RNF180: variants seen among roughly 807,000 people sequenced by gnomAD.
RNF180 encodes E3 ubiquitin-protein ligase RNF180.
Under a neutral mutation model 59.2 loss-of-function variants are expected in RNF180, and 38 were observed. The observed-to-expected ratio is 0.64, with a 90% CI of 0.50 to 0.84. The LOEUF is 0.84. Ranked by LOEUF, RNF180 falls within the 40% of genes least tolerant of loss-of-function variation. RNF180 has a pLI of 0.00. For synonymous variants in RNF180, 262 were observed against 240.3 expected, an observed-to-expected ratio of 1.09 and a Z score of -0.84; for missense variants, 705 against 700.9, an observed-to-expected ratio of 1.01 and a Z score of -0.07.
chr5:64,206,067 A>C (rs556763347), intron 2 of RNF180, among the ~76,000 whole-genome samples: 1 of 152,212 alleles, frequency 6.6e-6, no homozygotes. Context: ...ATACTGCACA[A>C]TTCTAGAGGG....
intron 1 of RNF180, among the ~76,000 whole-genome samples, chr5:64,181,986 C>CTTTTTT (rs1190089130): frequency 4.2e-5 from 4 of 94,622 alleles, no homozygotes; most frequent in Non-Finnish European, 7.9e-5. Context: ...CTGCTACTGT[C>CTTTTTT]TTTTTTTTTT....
intron 7 of RNF180, among the ~76,000 whole-genome samples, chr5:64,369,153 C>G (rs981832284): frequency 3.3e-5 from 5 of 151,990 alleles, no homozygotes; most frequent in African/African-American, 1.2e-4. Context: ...AGTTCATGTC[C>G]TTTGTGGGGA....
intron 1 of RNF180, among the ~76,000 whole-genome samples, chr5:64,177,515 A>G (rs1292820889): frequency 7.5e-6 from 1 of 133,864 alleles, no homozygotes; most frequent in Admixed American, 7.9e-5. Context: ...TTTCAAAGGC[A>G]TAAATTATGC....
At chr5:64,315,063 C>T (rs1486264001) in intron 5 of RNF180, among the ~76,000 whole-genome samples, 1 of 152,152 alleles carries the variant, frequency 6.6e-6, no homozygotes, top group Non-Finnish European at 1.5e-5. Context: ...ATTTTTGTAA[C>T]ATCATGCATT....
At chr5:64,362,333 G>T (rs1199981996) in intron 7 of RNF180, among the ~76,000 whole-genome samples, 4 of 151,768 alleles carry the variant, frequency 2.6e-5, no homozygotes, top group African/African-American at 9.7e-5. Context: ...GTGAGAACAT[G>T]TGGTATTTGG....
chr5:64,357,982 C>G (rs2112597836), intron 7 of RNF180, among the ~76,000 whole-genome samples: 1 of 151,906 alleles, frequency 6.6e-6, no homozygotes, highest in East Asian at 1.9e-4. Context: ...TTGATTTCAC[C>G]ACAGTGAATT....
chr5:64,349,443 T>A (rs1423877475), intron 7 of RNF180, among the ~76,000 whole-genome samples: 3 of 152,012 alleles, frequency 2.0e-5, no homozygotes, highest in Admixed American at 1.3e-4. Context: ...TACTTTTTTT[T>A]ATTATACTTT....
rs2112288453 is a variant in RNF180 at position 64,254,258 on chromosome 5, T to C, written c.1227+36862T>C. ...TTAAGATGCTAGTTAAGAAGCAATGTTGGAATGCTGACAAATGGAGCCTGA... is the reference window on the plus strand; with the variant it reads ...TTAAGATGCTAGTTAAGAAGCAATGCTGGAATGCTGACAAATGGAGCCTGA... On this transcript the variant is annotated intron_variant, in intron 5 of 7. Coordinates refer to ENST00000389100, the MANE Select transcript of RNF180 (RefSeq NM_001113561.2). Among the ~76,000 whole-genome samples the C allele has an allele frequency of 2.0e-5, 3 of 152,276 alleles. 1 individual carries two copies. The South Asian group carries it at 6.2e-4, about 32-fold the overall frequency.
At position 64,323,134 on chromosome 5, in the gene RNF180, A is replaced by C. The variant is rs1744456734; in HGVS notation, c.1228-2052A>C. Among the ~76,000 whole-genome samples, 3 of 152,222 alleles carry C rather than the reference A, an allele frequency of 2.0e-5. No homozygotes were observed. The South Asian group carries it at 6.2e-4, about 32-fold the overall frequency. ...CATGCTCCTGACAAGTAGGGGCAGA[A>C]GGCAGTCTTTGTGTTTGGAGTTGAG... On this transcript the variant is annotated intron_variant, in intron 5 of 7. Transcript: ENST00000389100.
At chr5:64,342,447 C>T (rs905019061) in intron 7 of RNF180, among the ~76,000 whole-genome samples, 1 of 151,942 alleles carries the variant, frequency 6.6e-6, no homozygotes, top group African/African-American at 2.4e-5. Flanking sequence ...AAGAGGAGTC[C>T]AAACATATAG....
chr5:64,298,514 T>C (rs544422291), intron 5 of RNF180, among the ~76,000 whole-genome samples: 1 of 152,160 alleles, frequency 6.6e-6, no homozygotes, highest in Admixed American at 6.6e-5. Context: ...CAGTGAAACT[T>C]TCTTACTGAG....
At chr5:64,234,578 CTTTTTTTTTTTTTTTTTTT>C (rs1171637074) in intron 5 of RNF180, among the ~76,000 whole-genome samples, 43 of 48,524 alleles carry the variant, frequency 8.9e-4, no homozygotes, top group South Asian at 1.9e-3. Context: ...GTTACCCGTT[CTTTTTTTTTTTTTTTTTTT>C]TTTTTTTTTT....
chr5:64,340,131 T>C (rs929276824), intron 7 of RNF180, among the ~76,000 whole-genome samples: 16 of 152,282 alleles, frequency 1.1e-4, no homozygotes, highest in Non-Finnish European at 2.2e-4. Context: ...ACCATTCATA[T>C]ATATAATTAC....
chr5:64,318,145 T>C (rs992417063), intron 5 of RNF180, among the ~76,000 whole-genome samples: 7 of 152,210 alleles, frequency 4.6e-5, no homozygotes, highest in Non-Finnish European at 7.4e-5. Flanking sequence ...TGTTTTTTTC[T>C]ATATATACAA....
chr5:64,225,651 T>C (rs1580053899), intron 5 of RNF180, among the ~76,000 whole-genome samples: 1 of 130,184 alleles, frequency 7.7e-6, no homozygotes, highest in African/African-American at 3.0e-5. Flanking sequence ...GTCTGGGAAG[T>C]GAGGAGCGCC....
chr5:64,172,640 C>T (rs1004455155), intron 1 of RNF180, among the ~76,000 whole-genome samples: 4 of 152,064 alleles, frequency 2.6e-5, no homozygotes, highest in African/African-American at 4.8e-5. Flanking sequence ...TCTATGGAGA[C>T]GTTATGTCCT....
At chr5:64,299,109 G>T (rs535747755) in intron 5 of RNF180, among the ~76,000 whole-genome samples, 1 of 151,884 alleles carries the variant, frequency 6.6e-6, no homozygotes. Flanking sequence ...TGTCCTTTGC[G>T]CCATGCGAGG....
chr5:64,203,624 G>A, intron 2 of RNF180, among the ~76,000 whole-genome samples: 1 of 151,946 alleles, frequency 6.6e-6, no homozygotes, highest in Non-Finnish European at 1.5e-5. Context: ...AATTGCATCT[G>A]TAATTGAAAA....
intron 7 of RNF180, among the ~76,000 whole-genome samples, chr5:64,364,852 G>C (rs2112612808): frequency 6.6e-6 from 1 of 151,768 alleles, no homozygotes; most frequent in African/African-American, 2.4e-5. Flanking sequence ...TAGTTTGTAT[G>C]CATACAAGTG....
Sources: gnomAD v4.1 joint callset for allele counts (sites outside exome capture counted in the v4.1 genomes callset) on GRCh38, gnomAD v4.1.1 for gene constraint, MANE v1.5 for transcripts, NCBI Gene and HGNC (gene_info 2026-07-23, HGNC 2026-07-21) for gene names.